The following GFRA2 variants were observed in gnomAD, a reference collection of about 807,000 sequenced individuals.
The protein encoded by GFRA2 is GDNF family receptor alpha 2, also known as GDNF family receptor alpha-2.
A neutral mutation model predicts 48.3 loss-of-function variants in GFRA2; 17 were observed. The ratio of observed to expected loss-of-function variants is 0.35; its 90% CI spans 0.24 to 0.53. GFRA2 has a LOEUF of 0.53. Ranked by LOEUF, GFRA2 falls within the 20% of genes least tolerant of loss-of-function variation. The pLI, the probability that GFRA2 is intolerant of heterozygous loss-of-function variation, is 0.93. For synonymous variants in GFRA2, 305 were observed against 257.2 expected (o/e 1.19, Z -1.78); for missense variants, 660 against 637.3 (o/e 1.04, Z -0.38).
intron 5 of GFRA2, 53 bp downstream of exon 5, chr8:21,705,879 T>G: frequency 4.0e-6 from 5 of 1,258,878 alleles, no homozygotes; most frequent in Non-Finnish European, 5.7e-6. Flanking sequence ...CCTGCCCTGC[T>G]GAGATGGGGG....
chr8:21,714,246 CTTTT>C lies in GFRA2; in HGVS notation c.795-8209_795-8206del, dbSNP rs10674628. On this transcript the variant is annotated intron_variant, in intron 4 of 8. Transcript: ENST00000524240. ...GATCAATACATACTGGTCTGAAGTT[CTTTT>C]TTTTTTTTTTTTTTTTTTTGAGACA... Among the ~76,000 whole-genome samples the C allele has an allele frequency of 1.8e-4, 14 of 78,402 alleles. 1 individual carries two copies. Among genetic ancestry groups the C allele is most frequent in the African/African-American group, 3.6e-4 (7 of 19,304 alleles). 51.4% of individuals were successfully genotyped at this position (78,402 alleles called of 152,430 possible).
chr8:21,776,426 G>A (rs1450302454), intron 2 of GFRA2, among the ~76,000 whole-genome samples: 2 of 151,008 alleles, frequency 1.3e-5, no homozygotes, highest in African/African-American at 4.9e-5. Flanking sequence ...CACACAGCAG[G>A]TGCCCAGCTG....
At chr8:21,776,247 C>G (rs1184992454) in intron 2 of GFRA2, among the ~76,000 whole-genome samples, 1 of 152,086 alleles carries the variant, frequency 6.6e-6, no homozygotes, top group Non-Finnish European at 1.5e-5. Flanking sequence ...ACTCAACTAG[C>G]CCCCTGCAGG....
At chr8:21,725,666 G>A (rs574193633) in intron 4 of GFRA2, among the ~76,000 whole-genome samples, 1 of 152,314 alleles carries the variant, frequency 6.6e-6, no homozygotes, top group African/African-American at 2.4e-5. Context: ...GAGATACACA[G>A]GTAGTGCAAA....
At chr8:21,764,439 T>C (rs1806058039) in intron 3 of GFRA2, among the ~76,000 whole-genome samples, 1 of 152,230 alleles carries the variant, frequency 6.6e-6, no homozygotes, top group Non-Finnish European at 1.5e-5. Context: ...TTTCAACCTA[T>C]AAATTTGTTG....
At chr8:21,702,779 C>G (rs766543730) in intron 7 of GFRA2, 26 bp downstream of exon 7, 1 of 1,563,700 alleles carries the variant, frequency 6.4e-7, no homozygotes, top group Non-Finnish European at 8.6e-7. Flanking sequence ...TGGTGCTCCC[C>G]CCACGCCTCA....
At chr8:21,801,702 A>G (rs1242907739) in intron 2 of GFRA2, among the ~76,000 whole-genome samples, 7 of 152,100 alleles carry the variant, frequency 4.6e-5, no homozygotes, top group Admixed American at 4.6e-4. Flanking sequence ...CCTGCCAAGA[A>G]AAACCATCAG....
At chr8:21,758,579 C>T (rs563533870) in intron 3 of GFRA2, among the ~76,000 whole-genome samples, 3 of 152,250 alleles carry the variant, frequency 2.0e-5, no homozygotes, top group Admixed American at 1.3e-4. Context: ...GGTTAAAGAA[C>T]GTGGGTCCTA....
At chr8:21,719,721 C>T (rs1033098737) in intron 4 of GFRA2, among the ~76,000 whole-genome samples, 3 of 152,192 alleles carry the variant, frequency 2.0e-5, no homozygotes, top group Non-Finnish European at 2.9e-5. Flanking sequence ...AATGCTGATA[C>T]GGTTCTTGCT....
At chr8:21,725,006 G>A (rs1018880671) in intron 4 of GFRA2, among the ~76,000 whole-genome samples, 2 of 152,184 alleles carry the variant, frequency 1.3e-5, no homozygotes, top group Admixed American at 1.3e-4. Flanking sequence ...TCCCGGCTAG[G>A]CCTTCCTCCT....
At chr8:21,771,499 G>A (rs996612721) in intron 3 of GFRA2, among the ~76,000 whole-genome samples, 13 of 152,218 alleles carry the variant, frequency 8.5e-5, no homozygotes, top group Non-Finnish European at 1.2e-4. Flanking sequence ...CCCAGGGCCT[G>A]TCAGGCAGCA....
chr8:21,748,226 G>A (rs1805107487), intron 4 of GFRA2, among the ~76,000 whole-genome samples: 1 of 152,084 alleles, frequency 6.6e-6, no homozygotes, highest in South Asian at 2.1e-4. Context: ...CCTATGTGTT[G>A]CCATGAAGGT....
intron 7 of GFRA2, among the ~76,000 whole-genome samples, chr8:21,702,309 G>T (rs1036067372): frequency 6.6e-6 from 1 of 152,178 alleles, no homozygotes; most frequent in African/African-American, 2.4e-5. Context: ...CCACAAGGGA[G>T]GGGGAAGGAA....
At chr8:21,783,935 C>A (rs1277039017) in intron 1 of GFRA2, among the ~76,000 whole-genome samples, 1 of 152,040 alleles carries the variant, frequency 6.6e-6, no homozygotes, top group Non-Finnish European at 1.5e-5. Flanking sequence ...TTTCTTTCCT[C>A]TCCACCCTCC....
At chr8:21,736,030 G>C (rs890087782) in intron 4 of GFRA2, among the ~76,000 whole-genome samples, 4 of 152,198 alleles carry the variant, frequency 2.6e-5, no homozygotes, top group Non-Finnish European at 5.9e-5. Context: ...GGTTCACTCG[G>C]GCTCCCTCTC....
Position 21,759,162 on chromosome 8 carries a change from G to A in GFRA2, c.440-8220C>T, listed in dbSNP as rs761432338. 1.1e-4 allele frequency among the ~76,000 whole-genome samples: 17 copies of A among 151,978 alleles called. No individual in the cohort carries two copies. In the South Asian group the frequency reaches 1.5e-3, roughly 13 times the overall value. The stretch of plus-strand genomic sequence containing the variant: ...CCCCAGCGCTTTGAGAGGCTGAGGC[G>A]GGCAGATCACTGGAGGCCAGGAGTT... On this transcript the variant is annotated intron_variant, in intron 3 of 8. Coordinates refer to ENST00000524240, the MANE Select transcript of GFRA2 (RefSeq NM_001495.5).
At chr8:21,771,439 A>G (rs1465053775) in intron 3 of GFRA2, among the ~76,000 whole-genome samples, 1 of 152,134 alleles carries the variant, frequency 6.6e-6, no homozygotes, top group Non-Finnish European at 1.5e-5. Context: ...ACACAGCCAC[A>G]CTGCTCCCTC....
chr8:21,697,161 G>C (rs868749927), intron 7 of GFRA2, among the ~76,000 whole-genome samples: 35 of 144,946 alleles, frequency 2.4e-4, no homozygotes, highest in African/African-American at 8.9e-4. Context: ...GGAAGGGACA[G>C]AGGATAGGGG....
intron 1 of GFRA2, among the ~76,000 whole-genome samples, chr8:21,785,200 T>C (rs1483632754): frequency 1.3e-5 from 2 of 152,222 alleles, no homozygotes; most frequent in African/African-American, 4.8e-5. Flanking sequence ...ACGCTTTTTT[T>C]GCTTGTCCTA....
Sources: allele counts gnomAD v4.1 joint callset (sites outside exome capture counted in the v4.1 genomes callset), GRCh38; gene constraint gnomAD v4.1.1; transcripts MANE v1.5; gene names NCBI Gene and HGNC (gene_info 2026-07-23, HGNC 2026-07-21).